Variants in HDHD2 observed in about 807,000 individuals in gnomAD.
The protein encoded by HDHD2 is haloacid dehalogenase-like hydrolase domain-containing protein 2.
In HDHD2, 26 loss-of-function variants were observed where a neutral mutation model predicts 24.8. The ratio of observed to expected loss-of-function variants is 1.05; its 90% CI spans 0.77 to 1.45. The LOEUF (loss-of-function observed/expected upper bound fraction) is 1.45, where lower values mean the gene tolerates loss of function less well. HDHD2 is among the 40% of genes most tolerant of loss of function. The probability of loss-of-function intolerance (pLI) is 0.00; values close to 1 mark genes in which losing one functional copy is unlikely to be tolerated. For missense variants in HDHD2, 299 were observed against 313.4 expected, an observed-to-expected ratio of 0.95 and a Z score of 0.35; for synonymous variants, 128 against 114.9, an observed-to-expected ratio of 1.11 and a Z score of -0.73.
rs2063658304 is a variant in HDHD2 at position 47,126,414 on chromosome 18, A to T, written c.395+3830T>A. On this transcript the variant is annotated intron_variant, in intron 4 of 6. Coordinates refer to ENST00000300605, the MANE Select transcript of HDHD2 (RefSeq NM_032124.5). ...AACTTGTAATTTTTCCTTAAGAAGGAGATGGGGGAAAGCAAGCAATCCAAC... is the reference window on the plus strand; with the variant it reads ...AACTTGTAATTTTTCCTTAAGAAGGTGATGGGGGAAAGCAAGCAATCCAAC... Among the ~76,000 whole-genome samples, 3 of 152,266 alleles carry T rather than the reference A, an allele frequency of 2.0e-5. No individual in the cohort carries two copies. In the South Asian group the frequency reaches 6.2e-4, roughly 32 times the overall value.
In HDHD2 at chr18:47,108,840, T is replaced by C. The variant is rs2063493663; in HGVS notation, c.677-55A>G. On this transcript the variant is annotated intron_variant, in intron 6 of 6. Transcript: ENST00000300605. Reference sequence around the variant, plus strand: ...GGCTGCCACCAGAATGCTAAATTAATCATACCCCATGAGCACCTGGGTCAT... The same window carrying C: ...GGCTGCCACCAGAATGCTAAATTAACCATACCCCATGAGCACCTGGGTCAT... The C allele has an allele frequency of 4.7e-6, 5 of 1,061,778 alleles. No individual in the cohort carries two copies. The South Asian group carries it at 6.4e-5, about 14-fold the overall frequency. 65.8% of individuals were successfully genotyped at this position (1,061,778 alleles called of 1,614,324 possible). A position where few individuals can be genotyped will look rare whatever the true frequency, so the allele number is the denominator to read the frequency against.
chr18:47,140,262 A>G lies in HDHD2; in HGVS notation c.-10-3813T>C, dbSNP rs544410615. On this transcript the variant is annotated intron_variant, in intron 1 of 6. Coordinates refer to ENST00000300605, the MANE Select transcript of HDHD2 (RefSeq NM_032124.5). Reference sequence around the variant, plus strand: ...GGGATTCTGACTAGAACTACATTTAATCTACAGAGCAATATCAGGACAACT... The same window carrying G: ...GGGATTCTGACTAGAACTACATTTAGTCTACAGAGCAATATCAGGACAACT... Among the ~76,000 whole-genome samples the G allele has an allele frequency of 1.9e-3, 287 of 152,314 alleles. 1 individual carries two copies. Among genetic ancestry groups the G allele is most frequent in the Middle Eastern group, 6.8e-3 (2 of 294 alleles).
chr18:47,127,526 G>A (rs1317114494), intron 4 of HDHD2, among the ~76,000 whole-genome samples: 1 of 151,956 alleles, frequency 6.6e-6, no homozygotes, highest in Non-Finnish European at 1.5e-5. Context: ...TTTTAGTCTT[G>A]TTAATACTAA....
intron 4 of HDHD2, among the ~76,000 whole-genome samples, chr18:47,117,019 G>A (rs2063563042): frequency 6.6e-6 from 1 of 152,192 alleles, no homozygotes; most frequent in Non-Finnish European, 1.5e-5. Flanking sequence ...CTAGGCTGGA[G>A]AAGTGTTATA....
At chr18:47,131,035 G>A (rs1599946212) in intron 3 of HDHD2, among the ~76,000 whole-genome samples, 1 of 152,032 alleles carries the variant, frequency 6.6e-6, no homozygotes, top group African/African-American at 2.4e-5. Context: ...GGAGTGTAAT[G>A]GTGCGATCTC....
chr18:47,142,252 T>A (rs1258668119), intron 1 of HDHD2, among the ~76,000 whole-genome samples: 1 of 150,460 alleles, frequency 6.6e-6, no homozygotes, highest in Non-Finnish European at 1.5e-5. Context: ...AAGTTTTAGT[T>A]CCATAAATAA....
At chr18:47,149,175 C>T (rs2063904144) in intron 1 of HDHD2, 1 of 152,154 alleles carries the variant, frequency 6.6e-6, no homozygotes, top group Non-Finnish European at 1.5e-5. Context: ...ACAGGATACA[C>T]ATGATGCAAA....
chr18:47,110,563 C>T, intron 6 of HDHD2: 1 of 985,384 alleles, frequency 1.0e-6, no homozygotes, highest in African/African-American at 1.7e-5. Flanking sequence ...CTTAGTCTGG[C>T]TCTGCAAGTG....
At chr18:47,132,698 C>T (rs1185207548) in intron 3 of HDHD2, among the ~76,000 whole-genome samples, 6 of 152,202 alleles carry the variant, frequency 3.9e-5, no homozygotes, top group Non-Finnish European at 1.5e-5. Context: ...AACTTATAAA[C>T]TCCATTTTCT....
Position 47,123,312 on chromosome 18 carries a change from G to A in HDHD2, c.395+6932C>T, listed in dbSNP as rs534899033. 7.2e-5 allele frequency among the ~76,000 whole-genome samples: 11 copies of A among 152,272 alleles called. No homozygotes were observed. The South Asian group carries it at 2.1e-3, about 29-fold the overall frequency. ...GAAATTTAGCAAAATACAAGGCCGG[G>A]CACAGTGGCTCACACCTGTAATCCC... On this transcript the variant is annotated intron_variant, in intron 4 of 6. Coordinates refer to ENST00000300605, the MANE Select transcript of HDHD2 (RefSeq NM_032124.5).
intron 2 of HDHD2, among the ~76,000 whole-genome samples, chr18:47,135,373 T>C (rs2063755901): frequency 6.6e-6 from 1 of 151,370 alleles, no homozygotes; most frequent in Non-Finnish European, 1.5e-5. Flanking sequence ...GTGATTCTCC[T>C]GCCTCAGCCT....
chr18:47,111,771 T>C, intron 6 of HDHD2: 2 of 984,616 alleles, frequency 2.0e-6, no homozygotes, highest in Non-Finnish European at 2.4e-6. Flanking sequence ...TGTAGCTCCA[T>C]CTACATTTCT....
At chr18:47,124,307 T>A (rs1244371519) in intron 4 of HDHD2, among the ~76,000 whole-genome samples, 1 of 152,062 alleles carries the variant, frequency 6.6e-6, no homozygotes, top group African/African-American at 2.4e-5. Flanking sequence ...ACATCAAAAT[T>A]AAGAACCTGA....
At chr18:47,142,557 C>T (rs1180839542) in intron 1 of HDHD2, among the ~76,000 whole-genome samples, 7 of 152,156 alleles carry the variant, frequency 4.6e-5, no homozygotes, top group East Asian at 3.9e-4. Flanking sequence ...TGAGTACATA[C>T]GTTCTCATAA....
chr18:47,133,777 C>T (rs986976699), intron 3 of HDHD2, among the ~76,000 whole-genome samples: 1 of 152,012 alleles, frequency 6.6e-6, no homozygotes, highest in Admixed American at 6.6e-5. Context: ...ATAAATGTCT[C>T]CTTTTGAGAA....
intron 4 of HDHD2, among the ~76,000 whole-genome samples, chr18:47,128,042 A>C (rs1373421992): frequency 9.1e-6 from 1 of 110,344 alleles, no homozygotes; most frequent in Non-Finnish European, 2.1e-5. Context: ...CCCTGTGGAA[A>C]CATCAATATG....
intron 1 of HDHD2, among the ~76,000 whole-genome samples, chr18:47,142,046 T>C (rs2635045): frequency 0.45 from 68,392 of 151,934 alleles, 15,548 homozygotes; most frequent in Middle Eastern, 0.57. Context: ...GTTACTCCTT[T>C]GCCTTATGCC....
intron 4 of HDHD2, among the ~76,000 whole-genome samples, chr18:47,125,051 A>G (rs1310074928): frequency 6.6e-6 from 1 of 152,162 alleles, no homozygotes; most frequent in Non-Finnish European, 1.5e-5. Context: ...AGTCCTAGCT[A>G]CTTGGGAGGC....
intron 4 of HDHD2, among the ~76,000 whole-genome samples, chr18:47,117,200 C>T (rs1377165128): frequency 6.6e-6 from 1 of 152,060 alleles, no homozygotes; most frequent in Non-Finnish European, 1.5e-5. Flanking sequence ...ATATCAGAGC[C>T]ACCCCAATAC....
Sources: allele counts gnomAD v4.1 joint callset (sites outside exome capture counted in the v4.1 genomes callset), GRCh38; gene constraint gnomAD v4.1.1; transcripts MANE v1.5; gene names NCBI Gene and HGNC (gene_info 2026-07-23, HGNC 2026-07-21).